Variants in SUZ12 observed in about 807,000 individuals in gnomAD.
SUZ12 encodes the protein polycomb protein SUZ12.
A neutral mutation model predicts 87.3 loss-of-function variants in SUZ12; 17 were observed. The ratio of observed to expected loss-of-function variants is 0.19; its 90% CI spans 0.13 to 0.29. SUZ12 has a LOEUF of 0.29. SUZ12 is among the 10% of genes least tolerant of loss of function. The pLI is 1.00. For missense variants in SUZ12, 526 were observed against 912.2 expected, an observed-to-expected ratio of 0.58 and a Z score of 5.45; for synonymous variants, 253 against 312.4, an observed-to-expected ratio of 0.81 and a Z score of 2.01.
chr17:31,947,816 C>T, intron 4 of SUZ12, 131 bp downstream of exon 4: 1 of 911,730 alleles, frequency 1.1e-6, no homozygotes. Context: ...TTGGTCCAAA[C>T]TCACACACAA....
At chr17:31,983,163 T>A in intron 9 of SUZ12, 59 bp downstream of exon 9, 8 of 1,528,254 alleles carry the variant, frequency 5.2e-6, no homozygotes, top group Non-Finnish European at 7.1e-6. Flanking sequence ...TTTTGACTGA[T>A]GTTTTCTTCC....
chr17:31,968,035 C>A (rs1407222262), intron 5 of SUZ12, among the ~76,000 whole-genome samples: 2 of 152,050 alleles, frequency 1.3e-5, no homozygotes, highest in African/African-American at 4.8e-5. Flanking sequence ...TGCCTGTAGT[C>A]CCAGCTATTC....
At chr17:31,951,768 G>A (rs1425100259) in intron 4 of SUZ12, among the ~76,000 whole-genome samples, 1 of 141,148 alleles carries the variant, frequency 7.1e-6, no homozygotes, top group African/African-American at 2.8e-5. Context: ...GAGCCACCGC[G>A]CCCAGCCTTT....
chr17:31,951,685 C>A (rs919968232), intron 4 of SUZ12, among the ~76,000 whole-genome samples: 1 of 151,564 alleles, frequency 6.6e-6, no homozygotes, highest in Non-Finnish European at 1.5e-5. Flanking sequence ...ACCATGTTAG[C>A]CAGGATGGTC....
At chr17:31,955,817 A>T (rs994536629) in intron 4 of SUZ12, among the ~76,000 whole-genome samples, 2 of 152,074 alleles carry the variant, frequency 1.3e-5, no homozygotes, top group African/African-American at 4.8e-5. Flanking sequence ...TCTGGCCTCT[A>T]ACAGTCCTCC....
intron 6 of SUZ12, among the ~76,000 whole-genome samples, chr17:31,974,191 C>T (rs1484025019): frequency 6.6e-6 from 1 of 150,744 alleles, no homozygotes; most frequent in African/African-American, 2.4e-5. Flanking sequence ...GCCTGTGCGA[C>T]AGAGTGAAAC....
At chr17:31,982,953 T>C (rs746138752) in intron 8 of SUZ12, 46 bp from the exon 9 acceptor site, 21 of 1,471,712 alleles carry the variant, frequency 1.4e-5, no homozygotes, top group East Asian at 9.1e-5. Context: ...TGTGTACTTA[T>C]AGTAATAACA....
intron 10 of SUZ12, among the ~76,000 whole-genome samples, chr17:31,990,489 G>A (rs1909665834): frequency 6.6e-6 from 1 of 151,690 alleles, no homozygotes; most frequent in Admixed American, 6.6e-5. Context: ...TCAGCCTCCC[G>A]AGTAGCTGAC....
chr17:31,994,274 CTAAT>C (rs1467941591), intron 12 of SUZ12: 56 of 444,534 alleles, frequency 1.3e-4, no homozygotes, highest in African/African-American at 1.1e-3. Context: ...TGTAGTGTCT[CTAAT>C]TGACTCACAA....
At chr17:31,968,341 G>A (rs1020855557) in intron 5 of SUZ12, among the ~76,000 whole-genome samples, 1 of 151,980 alleles carries the variant, frequency 6.6e-6, no homozygotes, top group Non-Finnish European at 1.5e-5. Context: ...TGATCCTCCT[G>A]CCTCAGCCTC....
At chr17:31,974,767 A>T (rs975886175) in intron 6 of SUZ12, among the ~76,000 whole-genome samples, 1 of 152,116 alleles carries the variant, frequency 6.6e-6, no homozygotes, top group African/African-American at 2.4e-5. Flanking sequence ...ATTTTTTTAG[A>T]CTGTATGTAT....
intron 5 of SUZ12, among the ~76,000 whole-genome samples, chr17:31,968,251 GTTGT>G (rs760834585): frequency 5.9e-5 from 9 of 151,768 alleles, no homozygotes; most frequent in East Asian, 2.0e-4. Context: ...CTCTTTGGGG[GTTGT>G]TTGTTTGTTT....
intron 8 of SUZ12, among the ~76,000 whole-genome samples, chr17:31,982,048 G>A (rs1034465911): frequency 2.0e-5 from 3 of 152,156 alleles, no homozygotes; most frequent in Admixed American, 2.0e-4. Context: ...AGTAGTAGTG[G>A]TTACTAGTGT....
At chr17:31,973,053 A>G in intron 5 of SUZ12, 93 bp from the exon 6 acceptor site, 2 of 1,219,932 alleles carry the variant, frequency 1.6e-6, no homozygotes, top group Non-Finnish European at 2.2e-6. Context: ...ACTGTGGGAA[A>G]TCTCTGTTTG....
At chr17:31,981,322 C>A (rs2449796) in intron 8 of SUZ12, among the ~76,000 whole-genome samples, 1 of 152,256 alleles carries the variant, frequency 6.6e-6, no homozygotes, top group East Asian at 1.9e-4. Flanking sequence ...AAAATAGATA[C>A]ATATGGTTCT....
At chr17:31,952,150 T>G (rs1452601577) in intron 4 of SUZ12, among the ~76,000 whole-genome samples, 1 of 152,140 alleles carries the variant, frequency 6.6e-6, no homozygotes, top group Non-Finnish European at 1.5e-5. Context: ...AGCCTCTAAC[T>G]CCTGGCCTCA....
chr17:31,957,229 T>G (rs936257710), intron 4 of SUZ12, among the ~76,000 whole-genome samples: 1 of 150,738 alleles, frequency 6.6e-6, no homozygotes, highest in Non-Finnish European at 1.5e-5. Flanking sequence ...ACTACCTGGC[T>G]ACATTTTTTG....
At chr17:31,956,287 G>A (rs1276253880) in intron 4 of SUZ12, among the ~76,000 whole-genome samples, 12 of 151,902 alleles carry the variant, frequency 7.9e-5, no homozygotes. Flanking sequence ...TCCGCCTCCT[G>A]GGTTCAAGCA....
Position 31,973,244 on chromosome 17 carries a change from A to C in SUZ12, c.591+13A>C, listed in dbSNP as rs750758716. The stretch of plus-strand genomic sequence containing the variant: ...CAAAAAAAGAAAGGTAATGTCAACA[A>C]AATGATATTGGTAGATTAAATGGAA... On this transcript the variant is annotated intron_variant, in intron 6 of 15. Coordinates refer to ENST00000322652, the MANE Select transcript of SUZ12 (RefSeq NM_015355.4). 3.3e-5 allele frequency: 45 copies of C among 1,371,684 alleles called. No homozygotes were observed. The highest frequency in any genetic ancestry group is 4.5e-5 in the Admixed American group (2 of 44,580). 85.0% of individuals were successfully genotyped at this position (1,371,684 alleles called of 1,614,324 possible). A position where few individuals can be genotyped will look rare whatever the true frequency, so the allele number is the denominator to read the frequency against.
Sources: gnomAD v4.1 joint callset for allele counts (sites outside exome capture counted in the v4.1 genomes callset) on GRCh38, gnomAD v4.1.1 for gene constraint, MANE v1.5 for transcripts, NCBI Gene and HGNC (gene_info 2026-07-23, HGNC 2026-07-21) for gene names.